The following KCNMA1 variants were observed in gnomAD, a reference collection of about 807,000 sequenced individuals.
KCNMA1 encodes the protein Calcium-activated potassium channel subunit alpha-1.
In KCNMA1, 29 loss-of-function variants were observed where a neutral mutation model predicts 140.0. That is an observed-to-expected ratio of 0.21 (90% confidence interval 0.15 to 0.28). The LOEUF (loss-of-function observed/expected upper bound fraction) is 0.28, where lower values mean the gene tolerates loss of function less well. Among genes scored for constraint, KCNMA1 ranks in the 10% least tolerant of loss-of-function variants. The pLI is 1.00. For synonymous variants in KCNMA1, 612 were observed against 611.9 expected, an observed-to-expected ratio of 1.00 and a Z score of 0.00; for missense variants, 880 against 1,602.2, an observed-to-expected ratio of 0.55 and a Z score of 7.70.
intron 1 of KCNMA1, among the ~76,000 whole-genome samples, chr10:77,419,645 T>C (rs1276606815): frequency 2.0e-5 from 3 of 152,214 alleles, no homozygotes; most frequent in African/African-American, 7.2e-5. Flanking sequence ...AATAATTTGC[T>C]ATTTTGTAAT....
At chr10:77,188,618 T>C (rs886739069) in intron 3 of KCNMA1, among the ~76,000 whole-genome samples, 13 of 152,204 alleles carry the variant, frequency 8.5e-5, no homozygotes, top group Non-Finnish European at 1.8e-4. Context: ...TCCTATTTCC[T>C]CTTGGCCATC....
At chr10:77,512,940 C>T (rs961340300) in intron 1 of KCNMA1, among the ~76,000 whole-genome samples, 2 of 152,224 alleles carry the variant, frequency 1.3e-5, no homozygotes, top group Non-Finnish European at 2.9e-5. Context: ...TGCTTCCACT[C>T]CTGCCCTTAC....
intron 2 of KCNMA1, chr10:77,350,900 C>T (rs1400785548): frequency 1.3e-5 from 2 of 152,194 alleles, no homozygotes; most frequent in Non-Finnish European, 2.9e-5. Context: ...GACTCAAAGG[C>T]TAGAGGGTGG....
chr10:77,329,255 T>A (rs2085410895), intron 2 of KCNMA1, among the ~76,000 whole-genome samples: 1 of 152,202 alleles, frequency 6.6e-6, no homozygotes, highest in African/African-American at 2.4e-5. Flanking sequence ...ACTTGTGTGG[T>A]CTTTGGCTAC....
chr10:77,601,313 A>T (rs1418120649), intron 1 of KCNMA1, among the ~76,000 whole-genome samples: 2 of 152,180 alleles, frequency 1.3e-5, no homozygotes, highest in East Asian at 3.9e-4. Context: ...AAGCCTCATG[A>T]GTGAAAAGGA....
chr10:77,090,869 T>C (rs2096796700), intron 9 of KCNMA1: 1 of 325,308 alleles, frequency 3.1e-6, no homozygotes, highest in African/African-American at 2.1e-5. Flanking sequence ...TCTCCCTTTC[T>C]GCCCACAAAG....
At chr10:77,309,007 G>T (rs1314588559) in intron 2 of KCNMA1, among the ~76,000 whole-genome samples, 1 of 152,136 alleles carries the variant, frequency 6.6e-6, no homozygotes, top group African/African-American at 2.4e-5. Context: ...GTTCCCTACT[G>T]CTCTTAAAGC....
chr10:77,126,337 T>C (rs977101822), intron 5 of KCNMA1, among the ~76,000 whole-genome samples: 3 of 152,190 alleles, frequency 2.0e-5, no homozygotes, highest in African/African-American at 7.2e-5. Flanking sequence ...TTCTCTATTA[T>C]ATGATCAATT....
intron 18 of KCNMA1, among the ~76,000 whole-genome samples, chr10:77,003,694 C>T (rs772676278): frequency 6.6e-5 from 10 of 152,292 alleles, no homozygotes; most frequent in South Asian, 4.1e-4. Flanking sequence ...TCATTAGCAA[C>T]GGTCCCTGGT....
intron 15 of KCNMA1, 80 bp downstream of exon 15, chr10:77,039,448 G>C (rs1238581381): frequency 6.0e-6 from 5 of 835,838 alleles, no homozygotes; most frequent in Non-Finnish European, 1.0e-5. Context: ...ACTGTACCCA[G>C]CAGAGGTGGG....
At chr10:77,582,770 G>C (rs893634741) in intron 1 of KCNMA1, among the ~76,000 whole-genome samples, 3 of 152,202 alleles carry the variant, frequency 2.0e-5, no homozygotes, top group African/African-American at 7.2e-5. Flanking sequence ...TCTTGACCTT[G>C]GTGGTGGAGG....
At chr10:77,384,594 C>T (rs1173877309) in intron 2 of KCNMA1, among the ~76,000 whole-genome samples, 1 of 152,224 alleles carries the variant, frequency 6.6e-6, no homozygotes, top group Non-Finnish European at 1.5e-5. Context: ...AATAAAGCCA[C>T]TCTTGCCACA....
chr10:76,997,823 C>T (rs2084889123), intron 19 of KCNMA1, among the ~76,000 whole-genome samples: 1 of 152,122 alleles, frequency 6.6e-6, no homozygotes, highest in Admixed American at 6.5e-5. Flanking sequence ...AGAGCTGGGA[C>T]TCTTGCCCAG....
At chr10:77,283,124 C>T (rs141248292) in intron 2 of KCNMA1, among the ~76,000 whole-genome samples, 138 of 152,296 alleles carry the variant, frequency 9.1e-4, no homozygotes, top group Admixed American at 2.5e-3. Flanking sequence ...GACTAGTCTG[C>T]GGCAACAGAT....
chr10:77,291,664 T>G (rs986861333), intron 2 of KCNMA1, among the ~76,000 whole-genome samples: 2 of 152,084 alleles, frequency 1.3e-5, no homozygotes, highest in East Asian at 1.9e-4. Context: ...AAAATCAACA[T>G]AGAGAGGCTG....
chr10:77,285,060 A>G (rs1251433208), intron 2 of KCNMA1, among the ~76,000 whole-genome samples: 2 of 152,216 alleles, frequency 1.3e-5, no homozygotes, highest in African/African-American at 2.4e-5. Flanking sequence ...CAGTTTGTAA[A>G]ATGAGTTAAT....
chr10:76,996,953 C>T (rs1375831761), intron 19 of KCNMA1, among the ~76,000 whole-genome samples: 1 of 152,124 alleles, frequency 6.6e-6, no homozygotes, highest in African/African-American at 2.4e-5. Context: ...CTTTAACAGG[C>T]GTTGGAGACT....
At chr10:77,541,757 CTCAAAGAAA>C (rs1391932812) in intron 1 of KCNMA1, among the ~76,000 whole-genome samples, 17 of 152,286 alleles carry the variant, frequency 1.1e-4, no homozygotes, top group African/African-American at 4.1e-4. Context: ...ACCTAGGGAA[CTCAAAGAAA>C]AGGCCAGTGA....
intron 1 of KCNMA1, among the ~76,000 whole-genome samples, chr10:77,579,007 C>T (rs984617968): frequency 4.6e-5 from 7 of 152,216 alleles, no homozygotes; most frequent in African/African-American, 1.7e-4. Flanking sequence ...CTGCCAACCT[C>T]CCGGAGTCGT....
Sources: gnomAD v4.1 joint callset for allele counts (sites outside exome capture counted in the v4.1 genomes callset) on GRCh38, gnomAD v4.1.1 for gene constraint, MANE v1.5 for transcripts, NCBI Gene and HGNC (gene_info 2026-07-23, HGNC 2026-07-21) for gene names.